The following GTF2H1 variants were observed in gnomAD, a reference collection of about 807,000 sequenced individuals.
GTF2H1 encodes BTF2 p62.
GTF2H1 carries 16 observed loss-of-function variants against 71.2 expected under a neutral mutation model. The ratio of observed to expected loss-of-function variants is 0.22; its 90% CI spans 0.15 to 0.34. The LOEUF is 0.34. GTF2H1 is among the 10% of genes least tolerant of loss of function. GTF2H1 has a pLI of 1.00. For missense variants in GTF2H1, 498 were observed against 648.2 expected, an observed-to-expected ratio of 0.77 and a Z score of 2.52; for synonymous variants, 215 against 219.0, an observed-to-expected ratio of 0.98 and a Z score of 0.16.
Position 18,341,129 on chromosome 11 carries a change from G to T in GTF2H1, c.608-132G>T, listed in dbSNP as rs565586458. The stretch of plus-strand genomic sequence containing the variant: ...AAGTTACCCTTCATATTTATAATTA[G>T]ATTATAACTTATAGTATGTAGAGTT... On this transcript the variant is annotated intron_variant, in intron 5 of 14. Coordinates refer to ENST00000265963, the MANE Select transcript of GTF2H1 (RefSeq NM_005316.4). 165 of 644,242 alleles carry T rather than the reference G, an allele frequency of 2.6e-4. No individual in the cohort carries two copies. In the African/African-American group the frequency reaches 2.7e-3, roughly 11 times the overall value. 39.9% of individuals were successfully genotyped at this position (644,242 alleles called of 1,614,324 possible). A position where few individuals can be genotyped will look rare whatever the true frequency, so the allele number is the denominator to read the frequency against.
Position 18,347,907 on chromosome 11 carries a change from A to G in GTF2H1, c.1041A>G (p.Pro347=), listed in dbSNP as rs1489003024. 1.2e-6 allele frequency: 2 copies of G among 1,612,594 alleles called. No individual in the cohort carries two copies. The highest frequency in any genetic ancestry group is 2.2e-5 in the South Asian group (2 of 91,040). Residue 347 remains proline, a synonymous_variant, in exon 9 of 15, where the codon CCA becomes CCG. Coordinates refer to ENST00000265963, the MANE Select transcript of GTF2H1 (RefSeq NM_005316.4). Reference sequence around the variant, plus strand: ...CCGGAGATGCAGACTGCTTTCAGCCAGCAGTCAAAAGGGTATGGGCAAAAA... The same window carrying G: ...CCGGAGATGCAGACTGCTTTCAGCCGGCAGTCAAAAGGGTATGGGCAAAAA... ...GNSGDADCFQ[P]AVKRAKLQES... is the part of the protein sequence containing the mutation.
intron 7 of GTF2H1, among the ~76,000 whole-genome samples, chr11:18,346,826 C>G (rs1428672426): frequency 1.3e-5 from 2 of 148,748 alleles, no homozygotes; most frequent in African/African-American, 5.0e-5. Context: ...ACCTCTGCCT[C>G]CTGGGTTCAA....
At chr11:18,363,013 T>TA in intron 14 of GTF2H1, among the ~76,000 whole-genome samples, 1 of 152,060 alleles carries the variant, frequency 6.6e-6, no homozygotes, top group Non-Finnish European at 1.5e-5. Flanking sequence ...AAACTTTTGT[T>TA]AAAAACTAAG....
chr11:18,325,422 G>T (rs548460578), intron 1 of GTF2H1, among the ~76,000 whole-genome samples: 16 of 152,300 alleles, frequency 1.1e-4, no homozygotes, highest in African/African-American at 3.6e-4. Context: ...GCAAGAGATT[G>T]TATTCTTTTA....
intron 10 of GTF2H1, 155 bp from the exon 11 acceptor site, chr11:18,352,174 G>T (rs1865443342): frequency 6.3e-6 from 4 of 631,176 alleles, no homozygotes; most frequent in Non-Finnish European, 5.7e-6. Context: ...CTTTCTTATT[G>T]CCCTTATGGG....
At chr11:18,356,918 G>C (rs1865566340) in intron 11 of GTF2H1, among the ~76,000 whole-genome samples, 1 of 150,578 alleles carries the variant, frequency 6.6e-6, no homozygotes, top group Admixed American at 6.7e-5. Flanking sequence ...AGCCTCCCAA[G>C]TAGCTAGGAC....
At chr11:18,365,507 A>G (rs1426313998) in intron 14 of GTF2H1, among the ~76,000 whole-genome samples, 2 of 152,216 alleles carry the variant, frequency 1.3e-5, no homozygotes, top group African/African-American at 4.8e-5. Flanking sequence ...TGAGGCCTGG[A>G]GCACAATTGT....
intron 4 of GTF2H1, among the ~76,000 whole-genome samples, chr11:18,338,694 C>T (rs781682088): frequency 6.6e-6 from 1 of 152,122 alleles, no homozygotes; most frequent in Admixed American, 6.5e-5. Context: ...AGAGTTCCTC[C>T]CATCTTAGCC....
chr11:18,331,847 G>A (rs1046860406), intron 1 of GTF2H1, among the ~76,000 whole-genome samples: 1 of 152,146 alleles, frequency 6.6e-6, no homozygotes, highest in Admixed American at 6.5e-5. Context: ...GGCAGATCCA[G>A]TATTTCATTG....
chr11:18,330,405 A>G (rs202153040), intron 1 of GTF2H1, among the ~76,000 whole-genome samples: 1 of 152,348 alleles, frequency 6.6e-6, no homozygotes, highest in East Asian at 1.9e-4. Flanking sequence ...CAGATTAGCA[A>G]GCGGAGAGCT....
intron 14 of GTF2H1, among the ~76,000 whole-genome samples, chr11:18,365,529 T>C (rs1477807135): frequency 1.3e-5 from 2 of 152,220 alleles, no homozygotes; most frequent in African/African-American, 4.8e-5. Context: ...ACTTTCATAT[T>C]GTCCTATTAT....
chr11:18,327,197 C>T (rs986082298), intron 1 of GTF2H1, among the ~76,000 whole-genome samples: 2 of 152,122 alleles, frequency 1.3e-5, no homozygotes, highest in African/African-American at 4.8e-5. Context: ...CCTGGGTTAC[C>T]TTTATAAACA....
rs752312102 is a variant in GTF2H1, at chr11:18,341,236, A to AT, written c.608-25_608-24insT. ...TTTTAAAAATGGAAATTCAGTATAT[A>AT]ATATTTGTGGGTTTTTTTCCACAGT... is the stretch of plus-strand genomic sequence containing the variant. On this transcript the variant is annotated intron_variant, in intron 5 of 14. Coordinates refer to ENST00000265963, the MANE Select transcript of GTF2H1 (RefSeq NM_005316.4). 1.6e-5 allele frequency: 26 copies of AT among 1,588,808 alleles called. 1 individual carries two copies.
chr11:18,324,072 C>T (rs1386239916), intron 1 of GTF2H1, among the ~76,000 whole-genome samples: 2 of 148,914 alleles, frequency 1.3e-5, no homozygotes, highest in African/African-American at 5.0e-5. Flanking sequence ...TTTTTTGAGA[C>T]GGAGTTTTGC....
chr11:18,360,481 G>A lies in GTF2H1; in HGVS notation c.1468-134G>A, dbSNP rs1167402916. ...AAGGGTTAACAATGTGATATAATTG[G>A]TATATTTTTATTTTATTTTTACATT... is the stretch of plus-strand genomic sequence containing the variant. On this transcript the variant is annotated intron_variant, in intron 13 of 14. Transcript: ENST00000265963. 6 of 531,620 alleles carry A rather than the reference G, an allele frequency of 1.1e-5. No homozygotes were observed. In the East Asian group the frequency reaches 2.0e-4, roughly 18 times the overall value. 32.9% of individuals were successfully genotyped at this position (531,620 alleles called of 1,614,324 possible).
intron 14 of GTF2H1, among the ~76,000 whole-genome samples, chr11:18,364,806 A>G (rs967997699): frequency 2.6e-5 from 4 of 152,142 alleles, no homozygotes; most frequent in African/African-American, 9.7e-5. Flanking sequence ...AAAAATAGCA[A>G]ACTGTTTCAC....
At chr11:18,351,685 G>C (rs1276427517) in intron 9 of GTF2H1, 196 bp from the exon 10 acceptor site, 1 of 415,772 alleles carries the variant, frequency 2.4e-6, no homozygotes, top group Non-Finnish European at 4.4e-6. Context: ...TGGTCAGAGT[G>C]TAAGAAAACT....
chr11:18,360,806 T>TA, intron 14 of GTF2H1, 99 bp downstream of exon 14: 4 of 679,196 alleles, frequency 5.9e-6, no homozygotes, highest in Non-Finnish European at 1.0e-5. Flanking sequence ...TACTTAATTT[T>TA]CTTTTTTTTT....
At chr11:18,344,616 CAAA>C (rs201176508) in intron 7 of GTF2H1, among the ~76,000 whole-genome samples, 515 of 100,422 alleles carry the variant, frequency 5.1e-3, no homozygotes, top group African/African-American at 0.012. Context: ...GAGACTGTCT[CAAA>C]AAAAAAAAAA....
Sources: allele counts gnomAD v4.1 joint callset (sites outside exome capture counted in the v4.1 genomes callset), GRCh38; gene constraint gnomAD v4.1.1; transcripts MANE v1.5; gene names NCBI Gene and HGNC (gene_info 2026-07-23, HGNC 2026-07-21).